The following DCAF6 variants were observed in gnomAD, a reference collection of about 807,000 sequenced individuals.
DCAF6 encodes the protein DDB1 and CUL4 associated factor 6, also known as DDB1- and CUL4-associated factor 6.
A neutral mutation model predicts 125.1 loss-of-function variants in DCAF6; 54 were observed. The ratio of observed to expected loss-of-function variants is 0.43; its 90% CI spans 0.35 to 0.54. DCAF6 has a LOEUF of 0.54. Ranked by LOEUF, DCAF6 falls within the 20% of genes least tolerant of loss-of-function variation. The pLI is 0.01. For missense variants in DCAF6, 934 were observed against 1,161.7 expected (o/e 0.80, Z 2.85); for synonymous variants, 371 against 390.4 (o/e 0.95, Z 0.58).
the DCAF6 span, chr1:167,878,371 G>A: frequency 2.6e-6 from 4 of 1,515,456 alleles, no homozygotes; most frequent in Non-Finnish European, 3.7e-6. Flanking sequence ...AATCTTAAAT[G>A]GGTGACTGCT....
intron 10 of DCAF6, among the ~76,000 whole-genome samples, chr1:168,014,195 A>G (rs1684659651): frequency 6.6e-6 from 1 of 152,082 alleles, no homozygotes; most frequent in Admixed American, 6.5e-5. Flanking sequence ...TTTGGTCCTT[A>G]TTATTTAACT....
intron 7 of DCAF6, among the ~76,000 whole-genome samples, chr1:167,996,562 A>T (rs1681732547): frequency 6.6e-6 from 1 of 152,108 alleles, no homozygotes. Flanking sequence ...ACAGCATTCA[A>T]AGTGATCCTT....
chr1:168,055,877 C>G, intron 17 of DCAF6: 1 of 1,383,460 alleles, frequency 7.2e-7, no homozygotes, highest in Non-Finnish European at 1.0e-6. Context: ...TTATTTCATA[C>G]TAGTTTATTT....
chr1:167,878,176 T>G, the DCAF6 span, among the ~76,000 whole-genome samples: 4 of 152,282 alleles, frequency 2.6e-5, no homozygotes, highest in East Asian at 7.7e-4. Flanking sequence ...GATACTCAAA[T>G]GAGAGGATTT....
intron 10 of DCAF6, among the ~76,000 whole-genome samples, chr1:168,013,339 C>T (rs572780620): frequency 6.6e-6 from 1 of 152,116 alleles, no homozygotes; most frequent in Admixed American, 6.5e-5. Flanking sequence ...TAGAAACCAT[C>T]GTAACAAGAA....
intron 6 of DCAF6, among the ~76,000 whole-genome samples, chr1:167,992,913 T>A (rs1177007586): frequency 6.6e-6 from 1 of 152,244 alleles, no homozygotes; most frequent in Admixed American, 6.5e-5. Context: ...GGGGGAACTT[T>A]TGGAAGATGA....
At chr1:167,907,599 C>T in the DCAF6 span, among the ~76,000 whole-genome samples, 1 of 152,154 alleles carries the variant, frequency 6.6e-6, no homozygotes, top group South Asian at 2.1e-4. Context: ...GAAGTGCACT[C>T]CTACCATGTG....
the DCAF6 span, among the ~76,000 whole-genome samples, chr1:167,884,887 G>A: frequency 3.3e-5 from 5 of 151,928 alleles, no homozygotes; most frequent in Non-Finnish European, 7.4e-5. Flanking sequence ...TAGTAGAGAC[G>A]GGGTTTCACT....
At chr1:168,038,297 T>A in intron 12 of DCAF6, 74 bp from the exon 13 acceptor site, 1 of 1,106,734 alleles carries the variant, frequency 9.0e-7, no homozygotes, top group Non-Finnish European at 1.3e-6. Flanking sequence ...AATATAAGTT[T>A]TATAAATTTT....
chr1:167,882,987 T>C, the DCAF6 span, among the ~76,000 whole-genome samples: 9 of 152,204 alleles, frequency 5.9e-5, no homozygotes, highest in Non-Finnish European at 1.2e-4. Context: ...AAGTGCCATA[T>C]CCACCATAGA....
chr1:167,863,768 C>T, the DCAF6 span, among the ~76,000 whole-genome samples: 1 of 152,214 alleles, frequency 6.6e-6, no homozygotes, highest in Admixed American at 6.5e-5. Context: ...GGCAGGCCCC[C>T]GTGGAGGATC....
chr1:167,964,811 A>G lies in DCAF6; in HGVS notation c.160-1818A>G, dbSNP rs78887699. ...CTCAAGGTCAGAGATTGTTTCCTCA[A>G]TTGTGTCTAGTCTACTAATACGCCC... On this transcript the variant is annotated intron_variant, in intron 2 of 21. Transcript: ENST00000367840. Among the ~76,000 whole-genome samples the G allele has an allele frequency of 4.6e-3, 693 of 152,126 alleles. 8 individuals carry two copies. In the East Asian group the frequency reaches 0.057, roughly 13 times the overall value.
chr1:167,957,787 C>T (rs1354598210), intron 2 of DCAF6, among the ~76,000 whole-genome samples: 1 of 152,104 alleles, frequency 6.6e-6, no homozygotes, highest in Non-Finnish European at 1.5e-5. Context: ...TCCTTGCCAA[C>T]TCTTATTTTC....
At chr1:167,885,354 G>C in the DCAF6 span, among the ~76,000 whole-genome samples, 59 of 152,184 alleles carry the variant, frequency 3.9e-4, no homozygotes, top group African/African-American at 1.3e-3. Flanking sequence ...AGCTTTTTGA[G>C]GAACTTTCAA....
intron 1 of DCAF6, among the ~76,000 whole-genome samples, chr1:167,951,258 T>C (rs1448538049): frequency 6.6e-6 from 1 of 152,184 alleles, no homozygotes; most frequent in Non-Finnish European, 1.5e-5. Context: ...GTCCAGATAC[T>C]GTGCTAAGCC....
intron 1 of DCAF6, among the ~76,000 whole-genome samples, chr1:167,944,333 G>C (rs750396803): frequency 6.6e-6 from 1 of 152,074 alleles, no homozygotes; most frequent in Non-Finnish European, 1.5e-5. Context: ...TAAAAATCTA[G>C]TAGTGGGATT....
intron 4 of DCAF6, among the ~76,000 whole-genome samples, chr1:167,986,578 A>G (rs1400812654): frequency 6.6e-6 from 1 of 152,238 alleles, no homozygotes; most frequent in Non-Finnish European, 1.5e-5. Context: ...TTTTGGGTTT[A>G]AAACTGTTAT....
At chr1:167,876,234 G>A in the DCAF6 span, among the ~76,000 whole-genome samples, 1 of 141,636 alleles carries the variant, frequency 7.1e-6, no homozygotes, top group South Asian at 2.2e-4. Context: ...TCCATCCTGG[G>A]CAACAAAAGC....
At chr1:168,032,598 T>A (rs2103320791) in intron 12 of DCAF6, among the ~76,000 whole-genome samples, 1 of 152,346 alleles carries the variant, frequency 6.6e-6, no homozygotes. Context: ...ATGTTTTATT[T>A]CGACCTTACT....
Sources: gnomAD v4.1 joint callset for allele counts (sites outside exome capture counted in the v4.1 genomes callset) on GRCh38, gnomAD v4.1.1 for gene constraint, MANE v1.5 for transcripts, NCBI Gene and HGNC (gene_info 2026-07-23, HGNC 2026-07-21) for gene names.